The following GMDS variants were observed in gnomAD, a reference collection of about 807,000 sequenced individuals.
GMDS encodes the protein GDP-mannose 4,6 dehydratase.
A neutral mutation model predicts 49.9 loss-of-function variants in GMDS; 20 were observed. The observed-to-expected ratio is 0.40, with a 90% CI of 0.28 to 0.58. The LOEUF is 0.58. Ranked by LOEUF, GMDS falls within the 20% of genes least tolerant of loss-of-function variation. GMDS has a pLI of 0.42. For synonymous variants in GMDS, 177 were observed against 178.6 expected (o/e 0.99, Z 0.07); for missense variants, 362 against 481.4 (o/e 0.75, Z 2.32).
chr6:1,915,312 T>C (rs1323334494), intron 7 of GMDS, among the ~76,000 whole-genome samples: 1 of 152,168 alleles, frequency 6.6e-6, no homozygotes, highest in African/African-American at 2.4e-5. Flanking sequence ...AATAAAGCAT[T>C]GCAGACAAGG....
intron 4 of GMDS, among the ~76,000 whole-genome samples, chr6:2,111,033 T>C (rs1289235039): frequency 6.6e-6 from 1 of 152,214 alleles, no homozygotes; most frequent in Non-Finnish European, 1.5e-5. Context: ...AAAGAAATAC[T>C]GCACTAGGTT....
chr6:2,244,057 G>A (rs1382557078), intron 1 of GMDS, among the ~76,000 whole-genome samples: 5 of 151,504 alleles, frequency 3.3e-5, no homozygotes, highest in Admixed American at 2.0e-4. Flanking sequence ...TAGAGACAAC[G>A]TCTCAATATG....
At chr6:2,092,619 T>C (rs1447698287) in intron 4 of GMDS, among the ~76,000 whole-genome samples, 1 of 152,214 alleles carries the variant, frequency 6.6e-6, no homozygotes, top group Non-Finnish European at 1.5e-5. Context: ...TCAACCTAGA[T>C]GACTTTAAGA....
intron 4 of GMDS, among the ~76,000 whole-genome samples, chr6:2,035,059 A>C (rs188283223): frequency 6.6e-6 from 1 of 152,256 alleles, no homozygotes; most frequent in East Asian, 1.9e-4. Context: ...AAAATGATTT[A>C]AGCTGTTTTC....
At chr6:2,094,413 C>A (rs1467585404) in intron 4 of GMDS, among the ~76,000 whole-genome samples, 1 of 152,202 alleles carries the variant, frequency 6.6e-6, no homozygotes, top group African/African-American at 2.4e-5. Flanking sequence ...GACCAAATAT[C>A]TGAGGAAAAC....
intron 1 of GMDS, among the ~76,000 whole-genome samples, chr6:2,147,959 T>C (rs1004872002): frequency 2.0e-5 from 3 of 151,698 alleles, no homozygotes; most frequent in East Asian, 1.9e-4. Context: ...TGACTCACAT[T>C]TGAAATACGT....
At chr6:2,145,615 C>T (rs536888949) in intron 1 of GMDS, among the ~76,000 whole-genome samples, 2 of 151,936 alleles carry the variant, frequency 1.3e-5, no homozygotes, top group East Asian at 1.9e-4. Flanking sequence ...GCTGCATCCA[C>T]GGATTAAACC....
chr6:2,032,542 T>C (rs1394827174), intron 4 of GMDS, among the ~76,000 whole-genome samples: 1 of 152,184 alleles, frequency 6.6e-6, no homozygotes, highest in Non-Finnish European at 1.5e-5. Context: ...AGATCTGGAA[T>C]CCATTCATTT....
intron 8 of GMDS, among the ~76,000 whole-genome samples, chr6:1,740,332 G>A (rs1437296642): frequency 2.0e-5 from 3 of 152,104 alleles, no homozygotes; most frequent in African/African-American, 2.4e-5. Context: ...CGAGGTGGGC[G>A]GATCACTTGA....
At chr6:1,740,875 T>C (rs1767243763) in intron 8 of GMDS, among the ~76,000 whole-genome samples, 1 of 152,232 alleles carries the variant, frequency 6.6e-6, no homozygotes, top group Non-Finnish European at 1.5e-5. Flanking sequence ...TAATTTTCTA[T>C]AATTAATGTC....
intron 9 of GMDS, among the ~76,000 whole-genome samples, chr6:1,726,020 G>A (rs150306174): frequency 6.6e-6 from 1 of 152,322 alleles, no homozygotes; most frequent in East Asian, 1.9e-4. Context: ...TGAGTACACA[G>A]ACACAGACAT....
chr6:2,154,863 C>CAAAAAAA (rs70992124), intron 1 of GMDS, among the ~76,000 whole-genome samples: 43 of 65,614 alleles, frequency 6.6e-4, no homozygotes, highest in East Asian at 1.1e-3. Context: ...TGAAGAGATG[C>CAAAAAAA]AAAAAAAAAA....
chr6:2,241,629 GTT>G (rs1434618949), intron 1 of GMDS, among the ~76,000 whole-genome samples: 7 of 152,150 alleles, frequency 4.6e-5, no homozygotes, highest in Admixed American at 2.0e-4. Flanking sequence ...GCTAGAGCCG[GTT>G]GTTAAAAAGA....
At position 1,742,536 on chromosome 6, in the gene GMDS, A is replaced by G. The variant is rs1346251592; in HGVS notation, c.822T>C (p.Ala274=). 2 of 1,612,590 alleles carry G rather than the reference A, an allele frequency of 1.2e-6. No homozygotes were observed. The highest frequency in any genetic ancestry group is 1.7e-6 in the Non-Finnish European group (2 of 1,178,576). The change falls in exon 8 of 11, where the codon GCT becomes GCC. Residue 274 remains alanine (A), a synonymous_variant. Transcript: ENST00000380815. ...QNDEPEDFVI[A]TGEVHSVREF... is the part of the protein sequence containing the mutation. ...CCCGGACACTATGGACCTCCCCAGT[A>G]GCTATAACGAAGTCCTCCGGCTCAT...
intron 4 of GMDS, among the ~76,000 whole-genome samples, chr6:2,085,392 ACT>A (rs1772953248): frequency 6.6e-6 from 1 of 151,984 alleles, no homozygotes; most frequent in Non-Finnish European, 1.5e-5. Flanking sequence ...TAAGTAAATA[ACT>A]CTGATTATAA....
At chr6:1,881,026 C>T (rs1167355740) in intron 7 of GMDS, among the ~76,000 whole-genome samples, 1 of 152,094 alleles carries the variant, frequency 6.6e-6, no homozygotes, top group East Asian at 1.9e-4. Context: ...AAATAATAGA[C>T]TGCACCAAAA....
intron 1 of GMDS, among the ~76,000 whole-genome samples, chr6:2,225,689 TA>T (rs1780783540): frequency 6.6e-6 from 1 of 152,164 alleles, no homozygotes; most frequent in South Asian, 2.1e-4. Context: ...GATTATCCAG[TA>T]AGCTAGGGAT....
At chr6:2,189,504 CACCCTAAGAA>C (rs1259661253) in intron 1 of GMDS, among the ~76,000 whole-genome samples, 1 of 152,154 alleles carries the variant, frequency 6.6e-6, no homozygotes, top group East Asian at 1.9e-4. Context: ...CCAAAAGTCC[CACCCTAAGAA>C]ATCCTAAGTA....
chr6:1,841,851 C>T (rs1757166181), intron 7 of GMDS, among the ~76,000 whole-genome samples: 1 of 152,178 alleles, frequency 6.6e-6, no homozygotes, highest in Non-Finnish European at 1.5e-5. Context: ...GCTTTCTTCT[C>T]ACTCACTTCT....
Sources: allele counts gnomAD v4.1 joint callset (sites outside exome capture counted in the v4.1 genomes callset), GRCh38; gene constraint gnomAD v4.1.1; transcripts MANE v1.5; gene names NCBI Gene and HGNC (gene_info 2026-07-23, HGNC 2026-07-21).